The following AMPD3 variants were observed in gnomAD, a reference collection of about 807,000 sequenced individuals.
The protein encoded by AMPD3 is AMP deaminase 3.
Under a neutral mutation model 82.3 loss-of-function variants are expected in AMPD3, and 57 were observed. The observed-to-expected ratio is 0.69, with a 90% confidence interval of 0.56 to 0.86. The LOEUF (loss-of-function observed/expected upper bound fraction) is 0.86, where lower values mean the gene tolerates loss of function less well. Among genes scored for constraint, AMPD3 ranks in the 40% least tolerant of loss-of-function variants. The pLI is 0.00. For missense variants in AMPD3, 870 were observed against 1,003.8 expected, an observed-to-expected ratio of 0.87 and a Z score of 1.80; for synonymous variants, 381 against 394.7, an observed-to-expected ratio of 0.97 and a Z score of 0.41.
chr11:10,482,168 T>A lies in AMPD3; in HGVS notation c.532T>A (p.Ser178Thr). 2 of 1,613,912 alleles carry A rather than the reference T, an allele frequency of 1.2e-6. No individual in the cohort carries two copies. Among genetic ancestry groups the A allele is most frequent in the Non-Finnish European group, 1.7e-6 (2 of 1,180,018 alleles). Residue 178 changes from serine to threonine, a missense_variant, in exon 4 of 15, where the codon TCC (serine) becomes ACC (threonine). Physicochemically the swap from Ser to Thr is moderately conservative, Grantham distance 58 (BLOSUM62 1). Coordinates refer to ENST00000396553, the MANE Select transcript of AMPD3 (RefSeq NM_001025389.2). ...CTACCACCGCTTCCCGCGGATCACA[T>A]CCCAGTACCTGGGTCATCCGCGGGC... is the stretch of plus-strand genomic sequence containing the variant. ...LAYHRFPRITSQYLGHPRADT... is the reference protein window; with the variant it reads ...LAYHRFPRITTQYLGHPRADT...
intron 1 of AMPD3, chr11:10,460,981 AT>A (rs1176009116): frequency 1.0e-6 from 1 of 985,288 alleles, no homozygotes; most frequent in Admixed American, 6.1e-5. Context: ...GCAATAGCAG[AT>A]TCTTTCTCTT....
intron 2 of AMPD3, 40 bp downstream of exon 2, chr11:10,461,780 T>C (rs368833888): frequency 5.3e-5 from 83 of 1,558,112 alleles, no homozygotes; most frequent in Middle Eastern, 1.7e-4. Context: ...CATAGAGTCA[T>C]GCAGACCCAG....
chr11:10,470,977 G>A (rs1357572948), intron 2 of AMPD3, among the ~76,000 whole-genome samples: 2 of 152,126 alleles, frequency 1.3e-5, no homozygotes, highest in East Asian at 3.8e-4. Context: ...AATTTCATAT[G>A]GAACCAAAAA....
chr11:10,494,780 G>A (rs974525660), intron 7 of AMPD3, 119 bp from the exon 8 acceptor site: 1 of 1,581,084 alleles, frequency 6.3e-7, no homozygotes, highest in Non-Finnish European at 8.6e-7. Flanking sequence ...TGCAAGAATT[G>A]ACATAGAAGA....
In AMPD3 at chr11:10,456,485, C is replaced by T; in HGVS notation, c.-6+1037C>T. 4 of 1,613,546 alleles carry T rather than the reference C, an allele frequency of 2.5e-6. No homozygotes were observed. Among genetic ancestry groups the T allele is most frequent in the Non-Finnish European group, 2.5e-6 (3 of 1,179,554 alleles). ...GTATAACGAGGGGATTTCAGTGGCA[C>T]TGGGCTTCCTTTCTGGAGGGACTGT... On this transcript the variant is annotated intron_variant, in intron 1 of 14. Coordinates refer to ENST00000396553, the MANE Select transcript of AMPD3 (RefSeq NM_001025389.2). The surrounding 1 kb of genome is among the most constrained non-coding windows in gnomAD (Gnocchi z 4.3).
chr11:10,451,570 A>AGC (rs1415043968), upstream of AMPD3, among the ~76,000 whole-genome samples: 14 of 152,192 alleles, frequency 9.2e-5, no homozygotes, highest in African/African-American at 3.4e-4. Flanking sequence ...TTGCCAGCAG[A>AGC]GCTGCTAATG....
intron 7 of AMPD3, chr11:10,494,441 G>A (rs1849329990): frequency 1.9e-6 from 1 of 527,106 alleles, no homozygotes; most frequent in Non-Finnish European, 2.4e-6. Context: ...TGTACTTAAA[G>A]CCACTGGAAC....
intron 5 of AMPD3, chr11:10,486,660 GGGCCGT>G: frequency 1.0e-6 from 1 of 985,410 alleles, no homozygotes; most frequent in Non-Finnish European, 1.2e-6. Flanking sequence ...AGAGATCCTT[GGGCCGT>G]GGCCATTAGG....
At chr11:10,454,120 C>A (rs1848028287), upstream of AMPD3, among the ~76,000 whole-genome samples, 1 of 152,178 alleles carries the variant, frequency 6.6e-6, no homozygotes, top group Non-Finnish European at 1.5e-5. Context: ...GAAGCAGCAA[C>A]AAGTTAGGCT....
In AMPD3 at chr11:10,495,551, C is replaced by G. The variant is rs1158874755; in HGVS notation, c.1267-19C>G. On this transcript the variant is annotated intron_variant, in intron 8 of 14. Transcript: ENST00000396553. ...TAGCTGGGATGCACTGGGGCTGACC[C>G]AAGCTCTTCTTGTGCCAGGAGGTTG... The G allele has an allele frequency of 6.2e-7, 1 of 1,612,398 alleles. No homozygotes were observed. The highest frequency in any genetic ancestry group is 1.1e-5 in the South Asian group (1 of 91,004).
At chr11:10,495,439 AT>A (rs1252750673) in intron 8 of AMPD3, 130 bp from the exon 9 acceptor site, 1 of 1,560,504 alleles carries the variant, frequency 6.4e-7, no homozygotes, top group Non-Finnish European at 8.7e-7. Flanking sequence ...AGCCCTGGGG[AT>A]TTAGATGAGT....
intron 2 of AMPD3, chr11:10,477,736 G>A (rs1848781483): frequency 7.3e-6 from 2 of 272,498 alleles, no homozygotes; most frequent in South Asian, 2.8e-4. Context: ...CGGCGGGCTA[G>A]AGGAGGGAGC....
rs1007093143 is a variant in AMPD3 at position 10,502,769 on chromosome 11, A to C, written c.1891A>C (p.Met631Leu). 16 of 1,614,024 alleles carry C rather than the reference A, an allele frequency of 9.9e-6. No individual in the cohort carries two copies. The highest frequency in any genetic ancestry group is 1.4e-5 in the Non-Finnish European group (16 of 1,180,030). ...LYYLAQIPIA[M>L]SPLSNNSLFL... ...CTACCTTGCTCAGATCCCCATTGCC[A>C]TGTCTCCTCTTAGCAACAACAGTTT... is the stretch of plus-strand genomic sequence containing the variant. The change falls in exon 13 of 15, where the codon ATG (methionine) becomes CTG (leucine). Residue 631 changes from methionine to leucine, a missense_variant. By Grantham distance (15) the Met-to-Leu change is conservative. Transcript: ENST00000396553.
intron 5 of AMPD3, 38 bp from the exon 6 acceptor site, chr11:10,487,197 C>T (rs765880553): frequency 8.7e-6 from 14 of 1,612,726 alleles, no homozygotes; most frequent in Middle Eastern, 3.3e-4. Flanking sequence ...GAGCTCGATG[C>T]GACTCAACTA....
At chr11:10,502,395 G>A in intron 12 of AMPD3, 1 of 985,486 alleles carries the variant, frequency 1.0e-6, no homozygotes, top group Non-Finnish European at 1.2e-6. Flanking sequence ...GTGCCTAGGA[G>A]AAAGGAGCTG....
Position 10,456,601 on chromosome 11 carries a change from T to G in AMPD3, c.-6+1153T>G, listed in dbSNP as rs1235400737. 12 of 985,364 alleles carry G rather than the reference T, an allele frequency of 1.2e-5. No homozygotes were observed. Among genetic ancestry groups the G allele is most frequent in the African/African-American group, 5.2e-5 (3 of 57,254 alleles). 61.0% of individuals were successfully genotyped at this position (985,364 alleles called of 1,614,324 possible). ...CTTCTTCAAGTTCATCAGAGCGTGT[T>G]GCATGTAACAGTGAGATAAGCTGTA... On this transcript the variant is annotated intron_variant, in intron 1 of 14. Coordinates refer to ENST00000396553, the MANE Select transcript of AMPD3 (RefSeq NM_001025389.2). This position sits in a 1 kb window ranked among gnomAD's most constrained non-coding sequence, Gnocchi z 4.3.
upstream of AMPD3, among the ~76,000 whole-genome samples, chr11:10,454,636 C>T (rs1009690128): frequency 6.6e-6 from 1 of 152,144 alleles, no homozygotes; most frequent in African/African-American, 2.4e-5. Flanking sequence ...TTGAAAAATG[C>T]TTGTTTAGAC....
At chr11:10,493,723 A>C in intron 7 of AMPD3, 180 bp downstream of exon 7, 1 of 741,060 alleles carries the variant, frequency 1.3e-6, no homozygotes, top group Non-Finnish European at 2.3e-6. Context: ...GCCATGGGAC[A>C]GGGAAAGAGG....
chr11:10,455,509 G>A, intron 1 of AMPD3, 61 bp downstream of exon 1: 1 of 889,670 alleles, frequency 1.1e-6, no homozygotes, highest in Non-Finnish European at 1.3e-6. Context: ...CTCCTTTTCT[G>A]TGTGTGTGGA....
Sources: allele counts gnomAD v4.1 joint callset (sites outside exome capture counted in the v4.1 genomes callset), GRCh38; gene constraint gnomAD v4.1.1; non-coding constraint Gnocchi (gnomAD v3.1); transcripts MANE v1.5; gene names NCBI Gene and HGNC (gene_info 2026-07-23, HGNC 2026-07-21).